MED24: variants seen among roughly 807,000 people sequenced by gnomAD.
The protein encoded by MED24 is mediator of RNA polymerase II transcription subunit 24.
In MED24, 74 loss-of-function variants were observed where a neutral mutation model predicts 118.8. That is an observed-to-expected ratio of 0.62 (90% CI 0.52 to 0.76). MED24 has a LOEUF of 0.76. Ranked by LOEUF, MED24 falls within the 30% of genes least tolerant of loss-of-function variation. The pLI is 0.00. For missense variants in MED24, 1,041 were observed against 1,278.9 expected, an observed-to-expected ratio of 0.81 and a Z score of 2.84; for synonymous variants, 521 against 523.9, an observed-to-expected ratio of 0.99 and a Z score of 0.08.
intron 9 of MED24, 121 bp from the exon 10 acceptor site, chr17:40,032,211 G>T: frequency 8.6e-7 from 1 of 1,168,390 alleles, no homozygotes; most frequent in Non-Finnish European, 1.2e-6. Context: ...CCTACCCTGG[G>T]AGTGAGAGCA....
chr17:40,039,924 C>T (rs1392044326), intron 3 of MED24, among the ~76,000 whole-genome samples: 1 of 151,534 alleles, frequency 6.6e-6, no homozygotes, highest in Non-Finnish European at 1.5e-5. Flanking sequence ...GCTGGGACTA[C>T]AGGCACCCAC....
chr17:40,053,819 T>G (rs1670242662), intron 1 of MED24, 184 bp from the exon 2 acceptor site: 3 of 751,884 alleles, frequency 4.0e-6, no homozygotes, highest in South Asian at 1.9e-5. Context: ...TGAACCGCCC[T>G]TCCTTAAACT....
chr17:40,038,249 AG>A (rs1248145651), intron 3 of MED24, among the ~76,000 whole-genome samples: 2 of 152,332 alleles, frequency 1.3e-5, no homozygotes, highest in Non-Finnish European at 2.9e-5. Context: ...ATAGGTCCTC[AG>A]GAAGTTTTTA....
chr17:40,032,957 A>G, intron 8 of MED24, 99 bp downstream of exon 8: 1 of 1,525,880 alleles, frequency 6.6e-7, no homozygotes, highest in Non-Finnish European at 8.9e-7. Flanking sequence ...GGAGCAGGAG[A>G]AACCCCACTT....
intron 19 of MED24, among the ~76,000 whole-genome samples, chr17:40,024,291 C>A (rs1350021042): frequency 6.6e-6 from 1 of 152,146 alleles, no homozygotes; most frequent in Non-Finnish European, 1.5e-5. Flanking sequence ...CCCAGCACTT[C>A]AGGAGGCTGA....
At chr17:40,045,511 G>A (rs1985070477) in intron 3 of MED24, among the ~76,000 whole-genome samples, 1 of 150,642 alleles carries the variant, frequency 6.6e-6, no homozygotes, top group African/African-American at 2.4e-5. Flanking sequence ...GTTTAGGGGT[G>A]AGCTCCATGG....
At chr17:40,041,468 C>A (rs1182822487) in intron 3 of MED24, among the ~76,000 whole-genome samples, 1 of 152,174 alleles carries the variant, frequency 6.6e-6, no homozygotes, top group Non-Finnish European at 1.5e-5. Flanking sequence ...CTTTGATTAC[C>A]ATCAGTAGCT....
chr17:40,043,890 C>CAAAAAA (rs35743512), intron 3 of MED24, among the ~76,000 whole-genome samples: 15 of 97,462 alleles, frequency 1.5e-4, no homozygotes, highest in Admixed American at 6.6e-4. Flanking sequence ...GACTCCATCT[C>CAAAAAA]AAAAAAAAAA....
rs371196849 is a variant in MED24 at position 40,019,203 on chromosome 17, C to CACACACACACACAT, written c.*325_*326insATGTGTGTGTGTGT. 17 of 302,368 alleles carry CACACACACACACAT rather than the reference C, an allele frequency of 5.6e-5. No homozygotes were observed. The highest frequency in any genetic ancestry group is 1.4e-4 in the Admixed American group (3 of 21,266). The allele number at this position is 302,368 out of a possible 1,614,324, so 18.7% of individuals were successfully genotyped here. A position where few individuals can be genotyped will look rare whatever the true frequency, so the allele number is the denominator to read the frequency against. ...ACACACACACACACACACACACACA[C>CACACACACACACAT]ATACACACTTTGCATCTAGAAAGTT... On this transcript the variant is annotated 3_prime_UTR_variant, in exon 26 of 26. Transcript: ENST00000394128.
Position 40,023,314 on chromosome 17 carries a change from G to C in MED24, c.2067C>G (p.Ser689=), listed in dbSNP as rs1336509189. The C allele has an allele frequency of 1.9e-6, 3 of 1,613,912 alleles. No individual in the cohort carries two copies. Among genetic ancestry groups the C allele is most frequent in the Non-Finnish European group, 2.5e-6 (3 of 1,179,948 alleles). The change falls in exon 20 of 26, where the codon TCC becomes TCG. Residue 689 remains serine (S), a synonymous_variant. Coordinates refer to ENST00000394128, the MANE Select transcript of MED24 (RefSeq NM_014815.4). ...QQTATQIKFP[S]TGVDTMPYWN... The stretch of plus-strand genomic sequence containing the variant: ...AGTAGGGCATTGTGTCCACCCCGGT[G>C]GAGGGAAACTTGATCTGCGTGGCTG...
chr17:40,033,244 G>C lies in MED24; in HGVS notation c.672-38C>G. 1.9e-6 allele frequency: 3 copies of C among 1,612,530 alleles called. No homozygotes were observed. The highest frequency in any genetic ancestry group is 1.7e-6 in the Non-Finnish European group (2 of 1,179,778). ...AAACACAGGGGACGGTGTTTGGGGG[G>C]CCAAAGGTGAAGGCGGAGAGGATGG... is the stretch of plus-strand genomic sequence containing the variant. On this transcript the variant is annotated intron_variant, in intron 7 of 25. Coordinates refer to ENST00000394128, the MANE Select transcript of MED24 (RefSeq NM_014815.4). This position sits in a 1 kb window ranked among gnomAD's most constrained non-coding sequence, Gnocchi z 5.2.
At chr17:40,039,974 G>A (rs997993631) in intron 3 of MED24, among the ~76,000 whole-genome samples, 19 of 151,330 alleles carry the variant, frequency 1.3e-4, no homozygotes, top group Admixed American at 2.0e-4. Flanking sequence ...TAGTAGAAGC[G>A]GGGTTTCACC....
chr17:40,031,630 G>A lies in MED24; in HGVS notation c.985-10C>T. 1 of 1,612,928 alleles carries A rather than the reference G, an allele frequency of 6.2e-7. No individual in the cohort carries two copies. Among genetic ancestry groups the A allele is most frequent in the East Asian group, 2.2e-5 (1 of 44,876 alleles). On this transcript the variant is annotated splice_polypyrimidine_tract_variant and intron_variant, in intron 10 of 25. Coordinates refer to ENST00000394128, the MANE Select transcript of MED24 (RefSeq NM_014815.4). ...CATCCTCAGTGAAGTCCTAGAAAGA[G>A]GCAGAAGTGTCCATCTGGTTTCCAG...
chr17:40,034,027 C>G (rs1188761807), intron 6 of MED24, among the ~76,000 whole-genome samples: 1 of 152,150 alleles, frequency 6.6e-6, no homozygotes, highest in East Asian at 1.9e-4. Context: ...CCCGACTGGT[C>G]TAACTCACTG....
At chr17:40,035,890 C>T (rs1469950704) in intron 4 of MED24, 95 bp from the exon 5 acceptor site, 14 of 1,251,188 alleles carry the variant, frequency 1.1e-5, no homozygotes, top group Admixed American at 1.9e-5. Flanking sequence ...CTGCTCCTCT[C>T]TCCTCCAACC....
rs35743512 is a variant in MED24, at chr17:40,043,890, C to CAAAAAAAAAAAAAAAACAAAAAAAA, written c.214-7737_214-7736insTTTTTTTTGTTTTTTTTTTTTTTTT. Among the ~76,000 whole-genome samples, 30 of 97,436 alleles carry CAAAAAAAAAAAAAAAACAAAAAAAA rather than the reference C, an allele frequency of 3.1e-4. 3 individuals are homozygous for CAAAAAAAAAAAAAAAACAAAAAAAA. Among genetic ancestry groups the CAAAAAAAAAAAAAAAACAAAAAAAA allele is most frequent in the Non-Finnish European group, 5.9e-4 (27 of 46,136 alleles). The allele number at this position is 97,436 out of a possible 152,430, so 63.9% of individuals were successfully genotyped here. ...TGGGCAGAAGAGCGAGACTCCATCT[C>CAAAAAAAAAAAAAAAACAAAAAAAA]AAAAAAAAAAAAAACAAAGATTTAA... On this transcript the variant is annotated intron_variant, in intron 3 of 25. Transcript: ENST00000394128.
At chr17:40,053,792 G>T in intron 1 of MED24, 157 bp from the exon 2 acceptor site, 1 of 986,698 alleles carries the variant, frequency 1.0e-6, no homozygotes, top group Non-Finnish European at 1.5e-6. Flanking sequence ...GTAAGATCCT[G>T]TCAGACTCTC....
chr17:40,022,249 T>C, intron 22 of MED24, 145 bp downstream of exon 22: 1 of 967,740 alleles, frequency 1.0e-6, no homozygotes, highest in Non-Finnish European at 1.6e-6. Context: ...AAATCACCCA[T>C]GCAGATTCCT....
rs1244269861 is a variant in MED24 at position 40,019,429 on chromosome 17, C to T, written c.*100G>A. 2.8e-5 allele frequency: 26 copies of T among 944,968 alleles called. No homozygotes were observed. Among genetic ancestry groups the T allele is most frequent in the East Asian group, 9.7e-5 (4 of 41,286 alleles). The allele number at this position is 944,968 out of a possible 1,614,324, so 58.5% of individuals were successfully genotyped here. A position where few individuals can be genotyped will look rare whatever the true frequency, so the allele number is the denominator to read the frequency against. On this transcript the variant is annotated 3_prime_UTR_variant, in exon 26 of 26. Coordinates refer to ENST00000394128, the MANE Select transcript of MED24 (RefSeq NM_014815.4). ...CTAGAGGCTCTTGCACCATGTGGAG[C>T]GGATGTGAGGCACGATGCCTCATCT...
Sources: gnomAD v4.1 joint callset for allele counts (sites outside exome capture counted in the v4.1 genomes callset) on GRCh38, gnomAD v4.1.1 for gene constraint, Gnocchi (gnomAD v3.1) non-coding constraint, MANE v1.5 for transcripts, NCBI Gene and HGNC (gene_info 2026-07-23, HGNC 2026-07-21) for gene names.